Variants in PRKDC observed in about 807,000 individuals in gnomAD.
The protein encoded by PRKDC is DNA-dependent protein kinase catalytic subunit.
PRKDC carries 82 observed loss-of-function variants against 486.9 expected under a neutral mutation model. That is an observed-to-expected ratio of 0.17 (90% confidence interval 0.14 to 0.20). The LOEUF (loss-of-function observed/expected upper bound fraction) is 0.20, where lower values mean the gene tolerates loss of function less well. Ranked by LOEUF, PRKDC falls within the 10% of genes least tolerant of loss-of-function variation. PRKDC has a pLI of 1.00. For missense variants in PRKDC, 4,504 were observed against 5,038.2 expected (o/e 0.89, Z 3.21); for synonymous variants, 1,895 against 1,837.0 (o/e 1.03, Z -0.81).
chr8:47,951,151 T>C (rs1281712301), intron 7 of PRKDC, among the ~76,000 whole-genome samples: 1 of 151,390 alleles, frequency 6.6e-6, no homozygotes, highest in South Asian at 2.1e-4. Flanking sequence ...GGCAGATCTC[T>C]TGGTTGGAGA....
chr8:47,790,254 A>G (rs146270504), intron 74 of PRKDC, among the ~76,000 whole-genome samples: 1 of 152,358 alleles, frequency 6.6e-6, no homozygotes, highest in African/African-American at 2.4e-5. Flanking sequence ...GCATTTCTAT[A>G]TGCCAACAGT....
intron 17 of PRKDC, 108 bp from the exon 18 acceptor site, chr8:47,930,120 T>C (rs2090225870): frequency 1.1e-6 from 1 of 938,010 alleles, no homozygotes; most frequent in Admixed American, 2.7e-5. Context: ...ACGTAACATT[T>C]TGAGGTATCC....
chr8:47,894,870 A>G (rs1275318186), intron 30 of PRKDC, among the ~76,000 whole-genome samples: 1 of 152,168 alleles, frequency 6.6e-6, no homozygotes, highest in Non-Finnish European at 1.5e-5. Context: ...AGGACTCAAG[A>G]CTAGCCTGGG....
At position 47,885,975 on chromosome 8, in the gene PRKDC, A is replaced by T; in HGVS notation, c.4745T>A (p.Leu1582His). Residue 1582 changes from leucine (L) to histidine (H), a missense_variant, in exon 36 of 86, where the codon CTC becomes CAC. Coordinates refer to ENST00000314191, the MANE Select transcript of PRKDC (RefSeq NM_006904.7). ...GGTATTATCCACTGAAGACTGCATG[A>T]GCTCCAATACAGCAAGATCCAGATT... Reference protein sequence around the residue: ...LKNLDLAVLELMQSSVDNTKM... With the variant: ...LKNLDLAVLEHMQSSVDNTKM... 1 of 1,613,914 alleles carries T rather than the reference A, an allele frequency of 6.2e-7. No individual in the cohort carries two copies. Among genetic ancestry groups the T allele is most frequent in the Non-Finnish European group, 8.5e-7 (1 of 1,179,842 alleles).
rs758665749 is a variant in PRKDC, at chr8:47,834,416, A to G, written c.7952-20T>C. The G allele has an allele frequency of 6.2e-7, 1 of 1,611,312 alleles. No homozygotes were observed. Among genetic ancestry groups the G allele is most frequent in the Non-Finnish European group, 8.5e-7 (1 of 1,179,110 alleles). ...TTCCATCTGTGACATGCAATCAGAGAGGTCAGGCACTCAGCATCACCCAGC... is the reference window on the plus strand; with the variant it reads ...TTCCATCTGTGACATGCAATCAGAGGGGTCAGGCACTCAGCATCACCCAGC... On this transcript the variant is annotated intron_variant, in intron 58 of 85. Coordinates refer to ENST00000314191, the MANE Select transcript of PRKDC (RefSeq NM_006904.7).
At chr8:47,945,507 C>T (rs772024812) in intron 7 of PRKDC, among the ~76,000 whole-genome samples, 6 of 152,202 alleles carry the variant, frequency 3.9e-5, no homozygotes, top group Non-Finnish European at 8.8e-5. Context: ...ACATTGTTTG[C>T]CTTTCGTGGC....
intron 55 of PRKDC, 101 bp from the exon 56 acceptor site, chr8:47,839,347 G>A (rs778825700): frequency 3.6e-5 from 30 of 827,998 alleles, no homozygotes; most frequent in Non-Finnish European, 5.3e-5. Context: ...TAAAAGGCTT[G>A]TTTTCCCATT....
chr8:47,820,747 A>G lies in PRKDC; in HGVS notation c.9308T>C (p.Ile3103Thr). 1 of 1,577,852 alleles carries G rather than the reference A, an allele frequency of 6.3e-7. No homozygotes were observed. ...QDDVDRAKYY[I>T]QNGIQSFMQN... ...CATAAAACTCTGAATGCCATTTTGA[A>G]TGTAATATTTGGCTCTGTCAACATC... is the stretch of plus-strand genomic sequence containing the variant. Residue 3103 changes from isoleucine (I) to threonine (T), a missense_variant, in exon 66 of 86, where the codon ATT becomes ACT. Physicochemically the swap from Ile to Thr is moderately conservative, Grantham distance 89 (BLOSUM62 -1). Around this residue, in one of 6 missense-constraint regions of PRKDC, gnomAD observed 1,592 missense variants for 1,724.6 expected, o/e 0.92. Coordinates refer to ENST00000314191, the MANE Select transcript of PRKDC (RefSeq NM_006904.7).
At chr8:47,832,866 C>A (rs1036818122) in intron 59 of PRKDC, among the ~76,000 whole-genome samples, 2 of 152,222 alleles carry the variant, frequency 1.3e-5, no homozygotes, top group Non-Finnish European at 2.9e-5. Context: ...AATGTCAGAA[C>A]ACTGGTTTAA....
chr8:47,864,878 T>C (rs2088771626), intron 40 of PRKDC, 115 bp from the exon 41 acceptor site: 1 of 956,850 alleles, frequency 1.0e-6, no homozygotes, highest in Non-Finnish European at 1.5e-6. Flanking sequence ...CAAAAATAAC[T>C]TTAAGGACTA....
chr8:47,882,116 G>A lies in PRKDC; in HGVS notation c.4777-19C>T. On this transcript the variant is annotated intron_variant, in intron 36 of 85. Coordinates refer to ENST00000314191, the MANE Select transcript of PRKDC (RefSeq NM_006904.7). The stretch of plus-strand genomic sequence containing the variant: ...CACTCACCTGAGACAATTTCGTTGT[G>A]AGTGAAGAAAAATTCTTAATTTTGA... 1.3e-6 allele frequency: 2 copies of A among 1,579,716 alleles called. No individual in the cohort carries two copies. The highest frequency in any genetic ancestry group is 2.3e-5 in the East Asian group (1 of 44,234).
chr8:47,939,815 T>C, intron 10 of PRKDC, 118 bp from the exon 11 acceptor site: 8 of 901,822 alleles, frequency 8.9e-6, no homozygotes, highest in Non-Finnish European at 1.1e-5. Flanking sequence ...TTACACGCAA[T>C]TGCTTTTAAT....
At chr8:47,847,955 C>T (rs1251364135) in intron 54 of PRKDC, among the ~76,000 whole-genome samples, 2 of 151,688 alleles carry the variant, frequency 1.3e-5, no homozygotes, top group Non-Finnish European at 2.9e-5. Context: ...TCACACCAGT[C>T]AGAATGGTTT....
chr8:47,818,227 C>T (rs1246119605), intron 67 of PRKDC, among the ~76,000 whole-genome samples: 2 of 152,076 alleles, frequency 1.3e-5, no homozygotes, highest in Non-Finnish European at 2.9e-5. Flanking sequence ...GTCATTCAAT[C>T]TCTATAAGCC....
chr8:47,950,627 A>G (rs1245314763), intron 7 of PRKDC, among the ~76,000 whole-genome samples: 78 of 146,576 alleles, frequency 5.3e-4, no homozygotes, highest in African/African-American at 1.8e-3. Flanking sequence ...AGACTCCGGA[A>G]AAAAAAAAAA....
chr8:47,939,463 T>A, intron 11 of PRKDC, 88 bp downstream of exon 11: 1 of 1,427,372 alleles, frequency 7.0e-7, no homozygotes, highest in Non-Finnish European at 9.7e-7. Context: ...GTTACAAGTA[T>A]TAGACACTAT....
chr8:47,837,705 C>T (rs765954165), intron 56 of PRKDC, among the ~76,000 whole-genome samples: 49 of 150,644 alleles, frequency 3.3e-4, no homozygotes, highest in African/African-American at 7.6e-4. Flanking sequence ...AAGTTTTCAA[C>T]GATGAGTACA....
At chr8:47,952,911 A>C (rs1289251128) in intron 7 of PRKDC, among the ~76,000 whole-genome samples, 3 of 152,178 alleles carry the variant, frequency 2.0e-5, no homozygotes, top group Non-Finnish European at 4.4e-5. Context: ...AGGCCAAGGC[A>C]GGCAGATCAT....
At chr8:47,892,797 T>A (rs1031051136) in intron 31 of PRKDC, among the ~76,000 whole-genome samples, 1 of 152,242 alleles carries the variant, frequency 6.6e-6, no homozygotes, top group Non-Finnish European at 1.5e-5. Flanking sequence ...AGCAGCTATA[T>A]TTTAAAGCCA....
Sources: allele counts gnomAD v4.1 joint callset (sites outside exome capture counted in the v4.1 genomes callset), GRCh38; gene constraint gnomAD v4.1.1; regional missense constraint gnomAD v4.1.1; transcripts MANE v1.5; gene names NCBI Gene and HGNC (gene_info 2026-07-23, HGNC 2026-07-21).